The following RNF32 variants were observed in gnomAD, a reference collection of about 807,000 sequenced individuals.
RNF32 encodes the protein ring finger protein 32.
In RNF32, 36 loss-of-function variants were observed where a neutral mutation model predicts 41.0. The observed-to-expected ratio is 0.88, with a 90% confidence interval of 0.67 to 1.16. The LOEUF is 1.16. Among genes scored for constraint, RNF32 ranks in the 50% most tolerant of loss-of-function variants. The probability of loss-of-function intolerance (pLI) is 0.00; values close to 1 mark genes in which losing one functional copy is unlikely to be tolerated. For synonymous variants in RNF32, 154 were observed against 160.9 expected, an observed-to-expected ratio of 0.96 and a Z score of 0.32; for missense variants, 413 against 436.7, an observed-to-expected ratio of 0.95 and a Z score of 0.48.
At chr7:156,658,040 C>A in intron 5 of RNF32, 88 bp from the exon 6 acceptor site, 1 of 1,329,044 alleles carries the variant, frequency 7.5e-7, no homozygotes, top group Non-Finnish European at 1.1e-6. Context: ...GAGAAAAGAA[C>A]ACTATAATTA....
At chr7:156,652,793 T>C (rs138165898) in intron 3 of RNF32, among the ~76,000 whole-genome samples, 1 of 152,190 alleles carries the variant, frequency 6.6e-6, no homozygotes, top group East Asian at 1.9e-4. Flanking sequence ...TGGTATTGTG[T>C]GCCTTTGGTC....
rs1800017649 is a variant in RNF32, at chr7:156,658,132, G to C, written c.455G>C (p.Cys152Ser). 6.2e-6 allele frequency: 10 copies of C among 1,612,586 alleles called. No homozygotes were observed. The highest frequency in any genetic ancestry group is 8.5e-6 in the Non-Finnish European group (10 of 1,179,492). The change falls in exon 6 of 9, where the codon TGT becomes TCT. Residue 152 changes from cysteine to serine, a missense_variant. Physicochemically the swap from Cys to Ser is moderately radical, Grantham distance 112 (BLOSUM62 -1). Transcript: ENST00000317955. ...LSCSHVFHKACLQAFEKFTNK... is the reference protein window; with the variant it reads ...LSCSHVFHKASLQAFEKFTNK... Reference sequence around the variant, plus strand: ...AAGTGAAATGTTTTTCTTCAGGCATGTCTTCAGGCTTTTGAAAAGTTCACA... The same window carrying C: ...AAGTGAAATGTTTTTCTTCAGGCATCTCTTCAGGCTTTTGAAAAGTTCACA...
At position 156,670,872 on chromosome 7, in the gene RNF32, C is replaced by T. The variant is rs1023711431; in HGVS notation, c.685-4824C>T. ...CATGAGGAAGGAAAATGGCCCCAGACGGGAAATCTGAGATGTCAGTGGTAA... is the reference window on the plus strand; with the variant it reads ...CATGAGGAAGGAAAATGGCCCCAGATGGGAAATCTGAGATGTCAGTGGTAA... On this transcript the variant is annotated intron_variant, in intron 7 of 8. Transcript: ENST00000317955. This position sits in a 1 kb window ranked among gnomAD's most constrained non-coding sequence, Gnocchi z 4.3. Among the ~76,000 whole-genome samples the T allele has an allele frequency of 4.6e-5, 7 of 152,264 alleles. No homozygotes were observed. The East Asian group carries it at 5.8e-4, about 13-fold the overall frequency.
Position 156,676,714 on chromosome 7 carries a change from T to G in RNF32, c.*59T>G, listed in dbSNP as rs1328430897. 7.2e-6 allele frequency: 9 copies of G among 1,254,702 alleles called. No homozygotes were observed. In the African/African-American group the frequency reaches 1.3e-4, roughly 18 times the overall value. 77.7% of individuals were successfully genotyped at this position (1,254,702 alleles called of 1,614,324 possible). A position where few individuals can be genotyped will look rare whatever the true frequency, so the allele number is the denominator to read the frequency against. On this transcript the variant is annotated 3_prime_UTR_variant, in exon 9 of 9. Coordinates refer to ENST00000317955, the MANE Select transcript of RNF32 (RefSeq NM_030936.4). ...GAAAAAAGTTTACCATCATTTTGGA[T>G]GAACTGCATGAGTTCTGGGTTAAGT... is the stretch of plus-strand genomic sequence containing the variant.
chr7:156,643,695 T>C (rs1367230598), intron 1 of RNF32, 106 bp from the exon 2 acceptor site: 2 of 630,588 alleles, frequency 3.2e-6, no homozygotes, highest in East Asian at 2.7e-5. Flanking sequence ...GTAGCAGGCA[T>C]TCCTGCTGCT....
At position 156,676,686 on chromosome 7, in the gene RNF32, G is replaced by A. The variant is rs765014092; in HGVS notation, c.*31G>A. The A allele has an allele frequency of 1.3e-6, 2 of 1,561,098 alleles. No individual in the cohort carries two copies. The highest frequency in any genetic ancestry group is 1.1e-5 in the South Asian group (1 of 89,854). ...TAGTCAAGGAAAGTTAGGTAATTCTGAGGAAAAAAGTTTACCATCATTTTG... is the reference window on the plus strand; with the variant it reads ...TAGTCAAGGAAAGTTAGGTAATTCTAAGGAAAAAAGTTTACCATCATTTTG... On this transcript the variant is annotated 3_prime_UTR_variant, in exon 9 of 9. Transcript: ENST00000317955.
At chr7:156,655,281 C>CAT (rs66559168) in intron 4 of RNF32, among the ~76,000 whole-genome samples, 27 of 150,564 alleles carry the variant, frequency 1.8e-4, no homozygotes, top group South Asian at 1.5e-3. Context: ...AGAGAGAATG[C>CAT]ATATATATAT....
chr7:156,676,614 C>T lies in RNF32; in HGVS notation c.1048C>T (p.Leu350Phe). The change falls in exon 9 of 9, where the codon CTC (leucine) becomes TTC (phenylalanine). Residue 350 changes from leucine to phenylalanine, a missense_variant. Physicochemically the swap from Leu to Phe is conservative, Grantham distance 22 (BLOSUM62 0). Coordinates refer to ENST00000317955, the MANE Select transcript of RNF32 (RefSeq NM_030936.4). ...CAGGCCTCCTTTCCATGCCTGTCCTCTCTGCCGCTCCTGCTACCAGAAGAA... is the reference window on the plus strand; with the variant it reads ...CAGGCCTCCTTTCCATGCCTGTCCTTTCTGCCGCTCCTGCTACCAGAAGAA... ...GDRPPFHACP[L>F]CRSCYQKKIL... 1 of 1,614,192 alleles carries T rather than the reference C, an allele frequency of 6.2e-7. No homozygotes were observed. The highest frequency in any genetic ancestry group is 8.5e-7 in the Non-Finnish European group (1 of 1,179,998).
In RNF32 at chr7:156,676,789, GA is replaced by G; in HGVS notation, c.*137del. Reference sequence around the variant, plus strand: ...GGAAATAAGCTATTGGTAGTTGTAGGAAATCTTAGTATATTTTAAAAGCTGA... The same window carrying G: ...GGAAATAAGCTATTGGTAGTTGTAGGAATCTTAGTATATTTTAAAAGCTGA... On this transcript the variant is annotated 3_prime_UTR_variant, in exon 9 of 9. Transcript: ENST00000317955. 1.5e-6 allele frequency: 1 copy of G among 659,248 alleles called. No individual in the cohort carries two copies. The highest frequency in any genetic ancestry group is 2.6e-6 in the Non-Finnish European group (1 of 385,100). The allele number at this position is 659,248 out of a possible 1,614,324, so 40.8% of individuals were successfully genotyped here. A position where few individuals can be genotyped will look rare whatever the true frequency, so the allele number is the denominator to read the frequency against.
At chr7:156,644,029 GTGTCGCA>G (rs1797692592) in intron 2 of RNF32, 137 bp downstream of exon 2, 1 of 728,330 alleles carries the variant, frequency 1.4e-6, no homozygotes, top group Admixed American at 2.3e-5. Context: ...GCGATGCCAA[GTGTCGCA>G]TGGGGCAGTG....
intron 7 of RNF32, chr7:156,660,495 G>A (rs1800471369): frequency 6.0e-6 from 1 of 165,436 alleles, no homozygotes; most frequent in Non-Finnish European, 1.2e-5. Context: ...GGTGGTAGTT[G>A]AGAACAAACT....
chr7:156,654,018 T>C (rs1233758739), intron 3 of RNF32, among the ~76,000 whole-genome samples: 7 of 152,106 alleles, frequency 4.6e-5, no homozygotes, highest in African/African-American at 1.7e-4. Flanking sequence ...TATTGAGTTA[T>C]TGGGAAATGA....
At chr7:156,659,008 G>T in intron 7 of RNF32, 1 of 1,465,768 alleles carries the variant, frequency 6.8e-7, no homozygotes, top group Non-Finnish European at 8.9e-7. Flanking sequence ...TGAGTACCTC[G>T]TGGGGTCATC....
chr7:156,675,323 G>C (rs1433963942), intron 7 of RNF32, among the ~76,000 whole-genome samples: 2 of 152,240 alleles, frequency 1.3e-5, no homozygotes, highest in African/African-American at 4.8e-5. Flanking sequence ...TGGAGACGAG[G>C]GTGCCTCTCA....
At chr7:156,675,989 C>T in intron 8 of RNF32, 126 bp downstream of exon 8, 2 of 990,346 alleles carry the variant, frequency 2.0e-6, no homozygotes, top group Non-Finnish European at 3.0e-6. Context: ...GCCCGGGGTG[C>T]AGCCGTGGAG....
intron 3 of RNF32, 34 bp downstream of exon 3, chr7:156,644,791 T>A (rs201820253): frequency 3.8e-6 from 6 of 1,576,652 alleles, no homozygotes; most frequent in Non-Finnish European, 5.1e-6. Context: ...TTTTGGCTTA[T>A]TAGGGCTAAA....
At chr7:156,666,118 A>G (rs1407378499) in intron 7 of RNF32, among the ~76,000 whole-genome samples, 2 of 152,176 alleles carry the variant, frequency 1.3e-5, no homozygotes. Flanking sequence ...GCAAGGAGGG[A>G]TAATAGTTTG....
chr7:156,646,723 T>G (rs1443493237), intron 3 of RNF32, among the ~76,000 whole-genome samples: 1 of 152,264 alleles, frequency 6.6e-6, no homozygotes, highest in African/African-American at 2.4e-5. Context: ...GTACTTTTCA[T>G]ACTTTGTTCC....
chr7:156,659,053 C>T, intron 7 of RNF32: 1 of 1,404,574 alleles, frequency 7.1e-7, no homozygotes, highest in Non-Finnish European at 9.2e-7. Flanking sequence ...CATGTCTACC[C>T]TTCCTCTTAA....
Sources: allele counts gnomAD v4.1 joint callset (sites outside exome capture counted in the v4.1 genomes callset), GRCh38; gene constraint gnomAD v4.1.1; non-coding constraint Gnocchi (gnomAD v3.1); transcripts MANE v1.5; gene names NCBI Gene and HGNC (gene_info 2026-07-23, HGNC 2026-07-21).